DEFB127: variants seen among roughly 807,000 people sequenced by gnomAD.
DEFB127 encodes the protein beta-defensin 127.
DEFB127 carries 2 observed loss-of-function variants against 2.4 expected under a neutral mutation model. The ratio of observed to expected loss-of-function variants is 0.82; its 90% CI spans 0.34 to 2.58. The LOEUF is 2.58. Ranked by LOEUF, DEFB127 falls within the 30% of genes most tolerant of loss-of-function variation. The pLI, the probability that DEFB127 is intolerant of heterozygous loss-of-function variation, is 0.11. For synonymous variants in DEFB127, 37 were observed against 39.8 expected (o/e 0.93, Z 0.26); for missense variants, 110 against 113.2 (o/e 0.97, Z 0.13).
chr20:157,639 A>G, intron 1 of DEFB127, 46 bp downstream of exon 1: 1 of 1,608,608 alleles, frequency 6.2e-7, no homozygotes, highest in African/African-American at 1.3e-5. Context: ...GGGATGGAGC[A>G]TTTTCAGGAG....
intron 1 of DEFB127, 138 bp downstream of exon 1, chr20:157,731 T>A (rs531520001): frequency 3.3e-6 from 3 of 910,392 alleles, no homozygotes; most frequent in South Asian, 1.6e-5. Context: ...CATCAGAAAT[T>A]TCCTCTTTCT....
chr20:157,832 T>G (rs1568467244), intron 1 of DEFB127, among the ~76,000 whole-genome samples: 1 of 152,166 alleles, frequency 6.6e-6, no homozygotes. Context: ...TGTGTTGTTA[T>G]AGAAAGGAAT....
rs372540598 is a variant in DEFB127, at chr20:158,770, A to G, written c.50-4A>G. 1.2e-6 allele frequency: 2 copies of G among 1,608,676 alleles called. No individual in the cohort carries two copies. Among genetic ancestry groups the G allele is most frequent in the Non-Finnish European group, 1.7e-6 (2 of 1,177,528 alleles). ...ATTGTTCTATTGCTCCTTTCTGTGT[A>G]TAGTAACCGAACAACTTAAGAAGTG... On this transcript the variant is annotated splice_polypyrimidine_tract_variant and splice_region_variant and intron_variant, in intron 1 of 1. Coordinates refer to ENST00000382388, the MANE Select transcript of DEFB127 (RefSeq NM_139074.4).
At chr20:157,898 C>CTCAG (rs1216458841) in intron 1 of DEFB127, among the ~76,000 whole-genome samples, 5 of 151,082 alleles carry the variant, frequency 3.3e-5, no homozygotes, top group African/African-American at 9.7e-5. Flanking sequence ...TACTCTGATG[C>CTCAG]TCAGCTATAT....
In DEFB127 at chr20:158,933, C is replaced by T. The variant is rs6118041; in HGVS notation, c.209C>T (p.Pro70Leu). Residue 70 changes from proline to leucine, a missense_variant, in exon 2 of 2, where the codon CCT becomes CTT. By Grantham distance (98) the Pro-to-Leu change is moderately conservative (BLOSUM62 -3). Coordinates refer to ENST00000382388, the MANE Select transcript of DEFB127 (RefSeq NM_139074.4). ...GCATGTAAAAAAATTACAAAGCCAC[C>T]TCGTCCAAAGCCAGCAACACTTGCA... ...LEACKKITKP[P>L]RPKPATLALT... The T allele has an allele frequency of 7.4e-6, 12 of 1,613,734 alleles. No individual in the cohort carries two copies. The highest frequency in any genetic ancestry group is 1.7e-5 in the Admixed American group (1 of 59,912).
In DEFB127 at chr20:158,902, C is replaced by T. The variant is rs919681855; in HGVS notation, c.178C>T (p.Leu60=). The change falls in exon 2 of 2, where the codon CTG becomes TTG. Residue 60 remains leucine, a synonymous_variant. Coordinates refer to ENST00000382388, the MANE Select transcript of DEFB127 (RefSeq NM_139074.4). Reference sequence around the variant, plus strand: ...ATACTGTTGCCTCAATATCAAGGAACTGGAAGCATGTAAAAAAATTACAAA... The same window carrying T: ...ATACTGTTGCCTCAATATCAAGGAATTGGAAGCATGTAAAAAAATTACAAA... ...GRYCCLNIKE[L]EACKKITKPP... is the part of the protein sequence containing the mutation. 18 of 1,613,654 alleles carry T rather than the reference C, an allele frequency of 1.1e-5. No individual in the cohort carries two copies. Among genetic ancestry groups the T allele is most frequent in the Non-Finnish European group, 1.4e-5 (17 of 1,179,824 alleles).
intron 1 of DEFB127, 87 bp downstream of exon 1, chr20:157,680 G>A: frequency 6.9e-7 from 1 of 1,447,316 alleles, no homozygotes; most frequent in Non-Finnish European, 9.7e-7. Flanking sequence ...CACACTAAAG[G>A]GAAATAGAGC....
rs778199268 is a variant in DEFB127, at chr20:158,976, T to C, written c.252T>C (p.Tyr84=). 20 of 1,611,988 alleles carry C rather than the reference T, an allele frequency of 1.2e-5. No individual in the cohort carries two copies. In the South Asian group the frequency reaches 2.2e-4, roughly 18 times the overall value. ...PATLALTLQD[Y]VTIIENFPSL... ...CACTTGCACTGACTCTTCAAGACTATGTTACAATAATAGAAAATTTCCCAA... is the reference window on the plus strand; with the variant it reads ...CACTTGCACTGACTCTTCAAGACTACGTTACAATAATAGAAAATTTCCCAA... The change falls in exon 2 of 2, where the codon TAT becomes TAC. Residue 84 remains tyrosine, a synonymous_variant. Transcript: ENST00000382388.
chr20:157,879 T>C (rs1232440709), intron 1 of DEFB127, among the ~76,000 whole-genome samples: 3 of 152,234 alleles, frequency 2.0e-5, no homozygotes, highest in African/African-American at 7.2e-5. Flanking sequence ...TGTCTTTGGA[T>C]ATGGTTTTTA....
intron 1 of DEFB127, among the ~76,000 whole-genome samples, chr20:157,999 T>G (rs2054710036): frequency 6.6e-6 from 1 of 151,674 alleles, no homozygotes; most frequent in Non-Finnish European, 1.5e-5. Flanking sequence ...TGGAGTTAGG[T>G]TTAAGAAACA....
At chr20:158,675 A>C (rs2054712691) in intron 1 of DEFB127, 99 bp from the exon 2 acceptor site, 10 of 1,243,874 alleles carry the variant, frequency 8.0e-6, no homozygotes, top group Non-Finnish European at 1.0e-5. Flanking sequence ...TGGATACCCC[A>C]TACCCCTAAT....
Position 157,484 on chromosome 20 carries a change from G to A in DEFB127, c.-61G>A, listed in dbSNP as rs2298108. 2 of 1,566,640 alleles carry A rather than the reference G, an allele frequency of 1.3e-6. No individual in the cohort carries two copies. The highest frequency in any genetic ancestry group is 1.8e-6 in the Non-Finnish European group (2 of 1,137,406). On this transcript the variant is annotated 5_prime_UTR_variant, in exon 1 of 2. Transcript: ENST00000382388. ...AGAATCTAAGTCTCTGAGGAAGGTA[G>A]CATAGTGTGCAGTTCACTGGACCAA...
chr20:158,036 A>G (rs545945138), intron 1 of DEFB127, among the ~76,000 whole-genome samples: 5 of 152,126 alleles, frequency 3.3e-5, no homozygotes, highest in Admixed American at 6.6e-5. Flanking sequence ...TAGTTTGTCA[A>G]CTTTAAGTAG....
rs757731986 is a variant in DEFB127, at chr20:158,979, T to C, written c.255T>C (p.Val85=). The C allele has an allele frequency of 3.1e-6, 5 of 1,611,618 alleles. No homozygotes were observed. In the South Asian group the frequency reaches 5.5e-5, roughly 18 times the overall value. Residue 85 remains valine (V), a synonymous_variant, in exon 2 of 2, where the codon GTT becomes GTC. Coordinates refer to ENST00000382388, the MANE Select transcript of DEFB127 (RefSeq NM_139074.4). ...ATLALTLQDY[V]TIIENFPSLK... is the part of the protein sequence containing the mutation. ...TTGCACTGACTCTTCAAGACTATGT[T>C]ACAATAATAGAAAATTTCCCAAGCC...
intron 1 of DEFB127, 30 bp from the exon 2 acceptor site, chr20:158,744 T>C: frequency 6.3e-7 from 1 of 1,585,742 alleles, no homozygotes; most frequent in Non-Finnish European, 8.6e-7. Flanking sequence ...CAAACACTGA[T>C]ATTGTTCTAT....
At chr20:158,084 G>C (rs1163573500) in intron 1 of DEFB127, among the ~76,000 whole-genome samples, 3 of 152,100 alleles carry the variant, frequency 2.0e-5, no homozygotes, top group Non-Finnish European at 4.4e-5. Flanking sequence ...CATCTATGGA[G>C]ATAATGACAC....
chr20:158,134 G>A (rs2054710564), intron 1 of DEFB127, among the ~76,000 whole-genome samples: 1 of 152,092 alleles, frequency 6.6e-6, no homozygotes, highest in African/African-American at 2.4e-5. Context: ...TAACCTATGT[G>A]AAGCTTGGCA....
chr20:158,043 G>A (rs2054710242), intron 1 of DEFB127, among the ~76,000 whole-genome samples: 1 of 152,030 alleles, frequency 6.6e-6, no homozygotes, highest in Admixed American at 6.6e-5. Context: ...TCAACTTTAA[G>A]TAGTGAAGAC....
At position 157,455 on chromosome 20, in the gene DEFB127, CAT is replaced by C; in HGVS notation, c.-88_-87del. ...TCATCCCATCTGTTCTGGTTCAGTGCATAAGAATCTAAGTCTCTGAGGAAGGT... is the reference window on the plus strand; with the variant it reads ...TCATCCCATCTGTTCTGGTTCAGTGCAAGAATCTAAGTCTCTGAGGAAGGT... On this transcript the variant is annotated 5_prime_UTR_variant, in exon 1 of 2. Coordinates refer to ENST00000382388, the MANE Select transcript of DEFB127 (RefSeq NM_139074.4). 1 of 1,377,826 alleles carries C rather than the reference CAT, an allele frequency of 7.3e-7. No individual in the cohort carries two copies. Among genetic ancestry groups the C allele is most frequent in the Non-Finnish European group, 1.0e-6 (1 of 967,540 alleles). 85.4% of individuals were successfully genotyped at this position (1,377,826 alleles called of 1,614,324 possible).
Sources: allele counts gnomAD v4.1 joint callset (sites outside exome capture counted in the v4.1 genomes callset), GRCh38; gene constraint gnomAD v4.1.1; transcripts MANE v1.5; gene names NCBI Gene and HGNC (gene_info 2026-07-23, HGNC 2026-07-21).